CDK10: variants seen among roughly 807,000 people sequenced by gnomAD.
CDK10 encodes the protein cyclin-dependent kinase 10.
CDK10 carries 55 observed loss-of-function variants against 51.0 expected under a neutral mutation model. That is an observed-to-expected ratio of 1.08 (90% CI 0.87 to 1.35). CDK10 has a LOEUF of 1.35. Among genes scored for constraint, CDK10 ranks in the 40% most tolerant of loss-of-function variants. The pLI, the probability that CDK10 is intolerant of heterozygous loss-of-function variation, is 0.00. For missense variants in CDK10, 589 were observed against 485.1 expected (o/e 1.21, Z -2.01); for synonymous variants, 255 against 199.1 (o/e 1.28, Z -2.36).
intron 8 of CDK10, 67 bp from the exon 9 acceptor site, chr16:89,694,106 T>C: frequency 6.7e-7 from 1 of 1,501,956 alleles, no homozygotes; most frequent in Non-Finnish European, 9.3e-7. Context: ...GGGGAGGCTG[T>C]GTCCTGTGGA....
In CDK10 at chr16:89,695,010, G is replaced by A. The variant is rs767833852; in HGVS notation, c.872G>A (p.Trp291Ter). 4 of 1,613,320 alleles carry A rather than the reference G, an allele frequency of 2.5e-6. No homozygotes were observed. The highest frequency in any genetic ancestry group is 3.4e-6 in the Non-Finnish European group (4 of 1,180,026). ...AACAACCTGAAGCACAAGTTCCCATGGCTGTCGGAGGCCGGGCTGCGCCTG... is the reference window on the plus strand; with the variant it reads ...AACAACCTGAAGCACAAGTTCCCATAGCTGTCGGAGGCCGGGCTGCGCCTG... ...PYNNLKHKFP[W>*]LSEAGLRLLH... The change falls in exon 11 of 13, where the codon TGG becomes TAG. Residue 291 changes from tryptophan (W) to a stop codon, truncating the protein, a stop_gained. Coordinates refer to ENST00000353379, the MANE Select transcript of CDK10 (RefSeq NM_052988.5). LOFTEE classifies it high-confidence loss of function.
chr16:89,693,082 GAGCCGGGATTGCTCCACTGCACTCC>G (rs1330522185), intron 6 of CDK10, among the ~76,000 whole-genome samples, 167 bp from the exon 7 acceptor site: 1 of 151,146 alleles, frequency 6.6e-6, no homozygotes, highest in Non-Finnish European at 1.5e-5. Context: ...AGCTTGCAGT[GAGCCGGGATTGCTCCACTGCACTCC>G]AGCCTGGGCG....
At chr16:89,692,996 G>A (rs1395624966) in intron 6 of CDK10, among the ~76,000 whole-genome samples, 2 of 151,626 alleles carry the variant, frequency 1.3e-5, no homozygotes, top group Non-Finnish European at 2.9e-5. Flanking sequence ...AAATTAGCCG[G>A]GCGTGGTGGC....
At chr16:89,691,312 C>T (rs375728275) in intron 3 of CDK10, 131 bp from the exon 4 acceptor site, 1 of 613,324 alleles carries the variant, frequency 1.6e-6, no homozygotes, top group East Asian at 3.0e-5. Flanking sequence ...ATTGGGGTCG[C>T]CCCAATTCTC....
At chr16:89,689,462 G>T in intron 2 of CDK10, 138 bp downstream of exon 2, 1 of 694,358 alleles carries the variant, frequency 1.4e-6, no homozygotes, top group Non-Finnish European at 2.6e-6. Flanking sequence ...AACCTGTTCA[G>T]GAACTTCAAT....
chr16:89,686,856 G>A, intron 1 of CDK10, 59 bp downstream of exon 1: 2 of 1,434,946 alleles, frequency 1.4e-6, no homozygotes, highest in Middle Eastern at 1.8e-4. Flanking sequence ...TGCCCGGCTG[G>A]GTCTGGGGAG....
intron 1 of CDK10, among the ~76,000 whole-genome samples, chr16:89,688,920 G>A (rs1320649069): frequency 6.6e-6 from 1 of 152,174 alleles, no homozygotes; most frequent in Non-Finnish European, 1.5e-5. Context: ...GGCCAACATG[G>A]TGAAACCCAG....
chr16:89,694,509 G>A, intron 9 of CDK10, 156 bp from the exon 10 acceptor site: 1 of 1,362,288 alleles, frequency 7.3e-7, no homozygotes, highest in Non-Finnish European at 1.0e-6. Flanking sequence ...CAGGAGGGGA[G>A]CCAGTGGTCC....
At chr16:89,695,396 GT>G in intron 12 of CDK10, 51 bp downstream of exon 12, 1 of 1,582,822 alleles carries the variant, frequency 6.3e-7, no homozygotes, top group African/African-American at 1.3e-5. Context: ...CTGGGAGCCC[GT>G]TTTGCCCGGG....
At chr16:89,691,244 C>T (rs2060431475) in intron 3 of CDK10, among the ~76,000 whole-genome samples, 199 bp from the exon 4 acceptor site, 1 of 151,916 alleles carries the variant, frequency 6.6e-6, no homozygotes, top group Admixed American at 6.6e-5. Context: ...GAGATGGTGC[C>T]ATTGCACTCC....
rs1220495238 is a variant in CDK10 at position 89,691,827 on chromosome 16, C to T, written c.357C>T (p.Tyr119=). Residue 119 remains tyrosine (Y), a synonymous_variant, in exon 5 of 13, where the codon TAC becomes TAT. Coordinates refer to ENST00000353379, the MANE Select transcript of CDK10 (RefSeq NM_052988.5). ...HLESIFLVMG[Y]CEQDLASLLE... ...CCAGCATCTTCCTGGTGATGGGTTACTGTGAGCAGGACCTGGCCAGCCTCC... is the reference window on the plus strand; with the variant it reads ...CCAGCATCTTCCTGGTGATGGGTTATTGTGAGCAGGACCTGGCCAGCCTCC... 1 of 1,613,878 alleles carries T rather than the reference C, an allele frequency of 6.2e-7. No individual in the cohort carries two copies. Among genetic ancestry groups the T allele is most frequent in the East Asian group, 2.2e-5 (1 of 44,880 alleles).
Position 89,689,251 on chromosome 16 carries a change from G to C in CDK10, c.88-1G>C. On this transcript the variant is annotated splice_acceptor_variant, in intron 1 of 12. Coordinates refer to ENST00000353379, the MANE Select transcript of CDK10 (RefSeq NM_052988.5). LOFTEE classifies it high-confidence loss of function. The stretch of plus-strand genomic sequence containing the variant: ...ACACTGGCAACACCCTTCTGTTTCA[G>C]CTGGGACGATGCCGGAGTGTGAAGG... 2 of 1,614,058 alleles carry C rather than the reference G, an allele frequency of 1.2e-6. No individual in the cohort carries two copies. Among genetic ancestry groups the C allele is most frequent in the Non-Finnish European group, 1.7e-6 (2 of 1,179,944 alleles).
chr16:89,691,270 C>A (rs1025434987), intron 3 of CDK10, among the ~76,000 whole-genome samples, 173 bp from the exon 4 acceptor site: 3 of 151,338 alleles, frequency 2.0e-5, no homozygotes, highest in African/African-American at 7.3e-5. Flanking sequence ...GGGCAACGAG[C>A]GAAACTCCGT....
intron 1 of CDK10, chr16:89,687,408 C>CT: frequency 2.3e-6 from 1 of 443,260 alleles, no homozygotes; most frequent in Non-Finnish European, 4.6e-6. Flanking sequence ...GGCTGGTGCT[C>CT]TGAGAGGCCA....
intron 10 of CDK10, 34 bp downstream of exon 10, chr16:89,694,822 C>T (rs930128200): frequency 4.2e-6 from 5 of 1,198,452 alleles, no homozygotes; most frequent in Non-Finnish European, 5.5e-6. Flanking sequence ...AGCCCCCGCC[C>T]GTGCCCACGC....
chr16:89,694,880 AGCCCCCGCCCGTGCCCACG>A (rs1290722651), intron 10 of CDK10, 32 bp from the exon 11 acceptor site: 2 of 1,265,792 alleles, frequency 1.6e-6, no homozygotes, highest in South Asian at 1.4e-5. Flanking sequence ...CTGCGCCCGC[AGCCCCCGCCCGTGCCCACG>A]CCCTCTGCGC....
At chr16:89,688,004 G>C (rs2060273817) in intron 1 of CDK10, among the ~76,000 whole-genome samples, 1 of 151,380 alleles carries the variant, frequency 6.6e-6, no homozygotes, top group Non-Finnish European at 1.5e-5. Context: ...TTGAGCCCAG[G>C]TTTGATACTG....
At chr16:89,693,621 A>G in intron 8 of CDK10, 154 bp downstream of exon 8, 1 of 711,454 alleles carries the variant, frequency 1.4e-6, no homozygotes, top group Non-Finnish European at 2.4e-6. Flanking sequence ...GACAGCCTCC[A>G]GGACACAGCA....
At chr16:89,691,305 G>A in intron 3 of CDK10, 138 bp from the exon 4 acceptor site, 1 of 572,626 alleles carries the variant, frequency 1.7e-6, no homozygotes, top group Non-Finnish European at 3.0e-6. Context: ...AATGCTTATT[G>A]GGGTCGCCCC....
Sources: allele counts gnomAD v4.1 joint callset (sites outside exome capture counted in the v4.1 genomes callset), GRCh38; gene constraint gnomAD v4.1.1; transcripts MANE v1.5; gene names NCBI Gene and HGNC (gene_info 2026-07-23, HGNC 2026-07-21).